RMST: variants seen among roughly 807,000 people sequenced by gnomAD.
RMST encodes long intergenic non-protein coding RNA 54.
intron 5 of RMST, chr12:97,491,825 T>C (rs926456664): frequency 6.4e-6 from 3 of 466,008 alleles, no homozygotes; most frequent in Middle Eastern, 3.5e-4. Context: ...TCGTCATGGG[T>C]CATTTTCATC....
In RMST at chr12:97,488,624, C is replaced by G. The variant is rs144770663; in HGVS notation, n.645-3837C>G. On this transcript the variant is annotated intron_variant and non_coding_transcript_variant, in intron 5 of 13. Transcript: ENST00000640149. ...TGGCCCAACTGGAAAAAAGGCAGTT[C>G]GGTGCATCCTGGGAATATCCAGGTG... Among the ~76,000 whole-genome samples, 782 of 152,176 alleles carry G rather than the reference C, an allele frequency of 5.1e-3. 2 individuals carry two copies. Among genetic ancestry groups the G allele is most frequent in the African/African-American group, 0.017 (701 of 41,532 alleles).
intron 5 of RMST, among the ~76,000 whole-genome samples, chr12:97,478,098 A>T (rs1246370714): frequency 6.6e-6 from 1 of 152,176 alleles, no homozygotes; most frequent in African/African-American, 2.4e-5. Flanking sequence ...GGCTGGAACA[A>T]TTCTGCTTTG....
At chr12:97,507,980 G>C (rs1031742839) in intron 10 of RMST, among the ~76,000 whole-genome samples, 14 of 152,160 alleles carry the variant, frequency 9.2e-5, no homozygotes, top group African/African-American at 3.4e-4. Context: ...GGCAAAAATG[G>C]TCTTGAGCAG....
chr12:97,561,551 G>A (rs1416636657), intron 13 of RMST, among the ~76,000 whole-genome samples: 1 of 149,752 alleles, frequency 6.7e-6, no homozygotes, highest in African/African-American at 2.4e-5. Context: ...TGAGTCAAGT[G>A]ACAAGACTAA....
intron 11 of RMST, among the ~76,000 whole-genome samples, chr12:97,541,670 T>C (rs1490117588): frequency 1.3e-5 from 2 of 149,792 alleles, no homozygotes; most frequent in African/African-American, 4.9e-5. Context: ...GATCTAAATA[T>C]GGTAAAATGT....
At chr12:97,482,723 T>TA (rs375612278) in intron 5 of RMST, among the ~76,000 whole-genome samples, 1,967 of 66,046 alleles carry the variant, frequency 0.03, 346 homozygotes, top group African/African-American at 0.1. Flanking sequence ...ATTATTTATT[T>TA]ATTAAATAAA....
chr12:97,476,650 A>G (rs1874583398), intron 5 of RMST, among the ~76,000 whole-genome samples: 2 of 152,218 alleles, frequency 1.3e-5, no homozygotes. Flanking sequence ...TCATGTCCTC[A>G]TGGAAGAATA....
chr12:97,485,877 G>A (rs1159713604), intron 5 of RMST, among the ~76,000 whole-genome samples: 1 of 152,224 alleles, frequency 6.6e-6, no homozygotes, highest in East Asian at 1.9e-4. Flanking sequence ...ACCTGGCAGT[G>A]TGTCTTTTTA....
exon 6 of RMST, chr12:97,492,501 A>G (rs1046054358): frequency 6.3e-6 from 1 of 158,042 alleles, no homozygotes; most frequent in Non-Finnish European, 1.4e-5. Context: ...TAGGTTGCCA[A>G]CTGTAGTTAC....
chr12:97,524,191 G>C (rs1880859225), intron 10 of RMST, among the ~76,000 whole-genome samples: 1 of 150,336 alleles, frequency 6.7e-6, no homozygotes, highest in Admixed American at 6.7e-5. Context: ...TATAACCTTA[G>C]TATTACACAA....
intron 10 of RMST, among the ~76,000 whole-genome samples, chr12:97,523,978 A>G (rs1399840623): frequency 6.8e-6 from 1 of 147,460 alleles, no homozygotes; most frequent in African/African-American, 2.5e-5. Context: ...TGGGAGACTG[A>G]AGCGGGAGAA....
At position 97,478,427 on chromosome 12, in the gene RMST, T is replaced by G. The variant is rs907853612; in HGVS notation, n.644+12700T>G. On this transcript the variant is annotated intron_variant and non_coding_transcript_variant, in intron 5 of 13. Transcript: ENST00000640149. ...GTGGAAGCATCTCATTTCATTGTCG[T>G]AAGGAAGGCTGAACTTGGAAAAAGG... Among the ~76,000 whole-genome samples the G allele has an allele frequency of 8.5e-5, 13 of 152,218 alleles. No individual in the cohort carries two copies. The South Asian group carries it at 1.0e-3, about 12-fold the overall frequency.
chr12:97,542,925 A>G (rs1882658266), intron 11 of RMST, among the ~76,000 whole-genome samples: 1 of 151,930 alleles, frequency 6.6e-6, no homozygotes, highest in Admixed American at 6.6e-5. Context: ...CTGAGAAGTT[A>G]ATGAAGTTAC....
At chr12:97,496,289 T>C (rs762279340) in intron 10 of RMST, among the ~76,000 whole-genome samples, 6 of 152,070 alleles carry the variant, frequency 3.9e-5, no homozygotes, top group Non-Finnish European at 7.4e-5. Context: ...CTCCAGCATG[T>C]TATGGGGCTA....
At chr12:97,504,981 T>C (rs1878509990) in intron 10 of RMST, among the ~76,000 whole-genome samples, 1 of 152,210 alleles carries the variant, frequency 6.6e-6, no homozygotes, top group Non-Finnish European at 1.5e-5. Flanking sequence ...TGGTCGCCCC[T>C]GTTAGAGAGT....
intron 11 of RMST, among the ~76,000 whole-genome samples, chr12:97,559,772 G>A (rs1883991008): frequency 6.6e-6 from 1 of 152,090 alleles, no homozygotes; most frequent in South Asian, 2.1e-4. Flanking sequence ...CTAGAAGTGT[G>A]GGGATGACTG....
chr12:97,462,879 A>T (rs1403553548), intron 3 of RMST: 4 of 152,278 alleles, frequency 2.6e-5, no homozygotes, highest in African/African-American at 9.7e-5. Flanking sequence ...CCTGGTGAGA[A>T]TCCCCAATGA....
intron 10 of RMST, among the ~76,000 whole-genome samples, chr12:97,528,155 G>A (rs1345463926): frequency 1.3e-5 from 2 of 152,034 alleles, no homozygotes; most frequent in African/African-American, 4.8e-5. Flanking sequence ...GCAAACTTTT[G>A]TAAAAGAAGA....
At chr12:97,505,234 A>T (rs915354000) in intron 10 of RMST, among the ~76,000 whole-genome samples, 1 of 152,280 alleles carries the variant, frequency 6.6e-6, no homozygotes, top group Admixed American at 6.5e-5. Flanking sequence ...TTAACTCACT[A>T]TGCTTACAGA....
Sources: gnomAD v4.1 joint callset for allele counts (sites outside exome capture counted in the v4.1 genomes callset) on GRCh38, gnomAD v4.1.1 for gene constraint, MANE v1.5 for transcripts, NCBI Gene and HGNC (gene_info 2026-07-23, HGNC 2026-07-21) for gene names.